The following ZNF503 variants were observed in gnomAD, a reference collection of about 807,000 sequenced individuals.
ZNF503 encodes the protein NocA-like zinc finger 2.
ZNF503 carries 15 observed loss-of-function variants against 34.4 expected under a neutral mutation model. That is an observed-to-expected ratio of 0.44 (90% confidence interval 0.29 to 0.67). The LOEUF (loss-of-function observed/expected upper bound fraction) is 0.67, where lower values mean the gene tolerates loss of function less well. ZNF503 is among the 30% of genes least tolerant of loss of function. The pLI, the probability that ZNF503 is intolerant of heterozygous loss-of-function variation, is 0.13. For synonymous variants in ZNF503, 580 were observed against 456.8 expected (o/e 1.27, Z -3.44); for missense variants, 1,007 against 926.8 (o/e 1.09, Z -1.12).
At chr10:75,280,638 T>G in the ZNF503 span, among the ~76,000 whole-genome samples, 5 of 151,818 alleles carry the variant, frequency 3.3e-5, no homozygotes, top group African/African-American at 1.2e-4. Flanking sequence ...TCATAAAACA[T>G]ACGGTTATGG....
chr10:75,376,648 A>C, the ZNF503 span, among the ~76,000 whole-genome samples: 3 of 152,096 alleles, frequency 2.0e-5, no homozygotes, highest in Non-Finnish European at 4.4e-5. Context: ...TCTCAAAAAA[A>C]AACAAAAACA....
At chr10:75,387,663 A>G in the ZNF503 span, among the ~76,000 whole-genome samples, 2 of 152,140 alleles carry the variant, frequency 1.3e-5, no homozygotes, top group Non-Finnish European at 2.9e-5. Context: ...GGGTCAGAGG[A>G]TGTGCCTTGT....
At chr10:75,338,588 C>T in the ZNF503 span, among the ~76,000 whole-genome samples, 4 of 152,200 alleles carry the variant, frequency 2.6e-5, no homozygotes, top group South Asian at 8.3e-4. Flanking sequence ...CCTTGTTTCC[C>T]TGACCTCTCT....
At chr10:75,301,906 G>A in the ZNF503 span, among the ~76,000 whole-genome samples, 23 of 152,168 alleles carry the variant, frequency 1.5e-4, no homozygotes, top group Admixed American at 2.6e-4. Context: ...GAAGAAGTAA[G>A]AAAAAATATA....
At chr10:75,287,833 C>G in the ZNF503 span, among the ~76,000 whole-genome samples, 1 of 152,222 alleles carries the variant, frequency 6.6e-6, no homozygotes, top group Admixed American at 6.5e-5. Flanking sequence ...ATCCCTGAGT[C>G]TAGTTGCAAA....
Position 75,401,420 on chromosome 10 carries a change from G to T in ZNF503, c.-1C>A. The T allele has an allele frequency of 6.5e-7, 1 of 1,535,576 alleles. No individual in the cohort carries two copies. Among genetic ancestry groups the T allele is most frequent in the Non-Finnish European group, 8.7e-7 (1 of 1,145,530 alleles). On this transcript the variant is annotated 5_prime_UTR_variant, in exon 1 of 2. Transcript: ENST00000372524. ...CAGAAAGCGAGGGCGCTGTGCTCAT[G>T]ACCCACCCGCGCGCATGGGAGCAGC...
At chr10:75,361,632 C>T in the ZNF503 span, 1 of 152,172 alleles carries the variant, frequency 6.6e-6, no homozygotes, top group Non-Finnish European at 1.5e-5. Context: ...GAAACCTGTA[C>T]TCCTCAAATA....
the ZNF503 span, among the ~76,000 whole-genome samples, chr10:75,359,263 A>C: frequency 2.5e-3 from 377 of 152,328 alleles, 2 homozygotes; most frequent in Non-Finnish European, 3.3e-3. Flanking sequence ...CAGTTAATAA[A>C]AGTTTTGGGC....
chr10:75,400,321 G>A lies in ZNF503; in HGVS notation c.369C>T (p.Ile123=). ...LALLAQTCSQ[I]GKPDPSPSSK... Reference sequence around the variant, plus strand: ...AGGAGGGCGAGGGGTCGGGCTTCCCGATCTGCGAACATGTTTGCGCCAACA... The same window carrying A: ...AGGAGGGCGAGGGGTCGGGCTTCCCAATCTGCGAACATGTTTGCGCCAACA... Residue 123 remains isoleucine, a synonymous_variant, in exon 2 of 2, where the codon ATC becomes ATT. Transcript: ENST00000372524. 2.5e-6 allele frequency: 4 copies of A among 1,612,674 alleles called. No individual in the cohort carries two copies. The highest frequency in any genetic ancestry group is 2.2e-5 in the South Asian group (2 of 90,990).
At chr10:75,354,856 G>GC in the ZNF503 span, among the ~76,000 whole-genome samples, 1 of 151,718 alleles carries the variant, frequency 6.6e-6, no homozygotes, top group Admixed American at 6.6e-5. Flanking sequence ...GTTTTGTTTT[G>GC]TTTTTTTGAG....
At chr10:75,376,663 CA>C in the ZNF503 span, among the ~76,000 whole-genome samples, 125 of 151,672 alleles carry the variant, frequency 8.2e-4, no homozygotes, top group African/African-American at 2.8e-3. Flanking sequence ...AAAACAAAAA[CA>C]AAAAAACCTG....
the ZNF503 span, among the ~76,000 whole-genome samples, chr10:75,356,319 C>T: frequency 6.6e-5 from 10 of 152,206 alleles, no homozygotes; most frequent in Non-Finnish European, 1.2e-4. Flanking sequence ...CAGGTTCACG[C>T]CATTCTCCTG....
At chr10:75,344,225 G>A in the ZNF503 span, among the ~76,000 whole-genome samples, 2 of 152,210 alleles carry the variant, frequency 1.3e-5, no homozygotes, top group Non-Finnish European at 2.9e-5. Context: ...AGGGTCCCTC[G>A]GGTGGCTGGG....
the ZNF503 span, among the ~76,000 whole-genome samples, chr10:75,370,656 G>A: frequency 3.3e-5 from 5 of 151,858 alleles, no homozygotes; most frequent in South Asian, 1.0e-3. Context: ...GTGCATGCCT[G>A]TAATCCTAAC....
At chr10:75,343,538 A>C in the ZNF503 span, among the ~76,000 whole-genome samples, 2 of 151,926 alleles carry the variant, frequency 1.3e-5, no homozygotes, top group South Asian at 4.2e-4. Context: ...TCTACTCCCC[A>C]CTGCCCAAGG....
the ZNF503 span, among the ~76,000 whole-genome samples, chr10:75,304,176 T>A: frequency 6.6e-6 from 1 of 152,220 alleles, no homozygotes. Flanking sequence ...GGTTTGGTTG[T>A]TCTTTTTGGT....
chr10:75,400,302 G>T lies in ZNF503; in HGVS notation c.388C>A (p.Pro130Thr), dbSNP rs758292222. 1.2e-6 allele frequency: 2 copies of T among 1,613,180 alleles called. No homozygotes were observed. Among genetic ancestry groups the T allele is most frequent in the African/African-American group, 2.7e-5 (2 of 75,028 alleles). The change falls in exon 2 of 2, where the codon CCC (proline) becomes ACC (threonine). Residue 130 changes from proline (P) to threonine (T), a missense_variant. Coordinates refer to ENST00000372524, the MANE Select transcript of ZNF503 (RefSeq NM_032772.6). ...CSQIGKPDPS[P>T]SSKLSSVASN... ...GCAACCGAGGAGAGTTTGGAGGAGG[G>T]CGAGGGGTCGGGCTTCCCGATCTGC...
At chr10:75,312,588 T>C in the ZNF503 span, among the ~76,000 whole-genome samples, 1 of 152,186 alleles carries the variant, frequency 6.6e-6, no homozygotes. Flanking sequence ...TGGAAACCTT[T>C]CCATCACTAT....
At chr10:75,321,552 G>T in the ZNF503 span, among the ~76,000 whole-genome samples, 1 of 152,216 alleles carries the variant, frequency 6.6e-6, no homozygotes, top group African/African-American at 2.4e-5. Context: ...TGAAGTCCAG[G>T]CTGAGGAGGT....
Sources: gnomAD v4.1 joint callset for allele counts (sites outside exome capture counted in the v4.1 genomes callset) on GRCh38, gnomAD v4.1.1 for gene constraint, MANE v1.5 for transcripts, NCBI Gene and HGNC (gene_info 2026-07-23, HGNC 2026-07-21) for gene names.